Variants in KMT2B observed in about 807,000 individuals in gnomAD.
KMT2B encodes the protein histone-lysine N-methyltransferase 2B.
A neutral mutation model predicts 255.3 loss-of-function variants in KMT2B; 22 were observed. The ratio of observed to expected loss-of-function variants is 0.09; its 90% CI spans 0.06 to 0.12. The LOEUF is 0.12. KMT2B is among the 10% of genes least tolerant of loss of function. The pLI, the probability that KMT2B is intolerant of heterozygous loss-of-function variation, is 1.00. For missense variants in KMT2B, 3,149 were observed against 3,737.0 expected, an observed-to-expected ratio of 0.84 and a Z score of 4.10; for synonymous variants, 1,730 against 1,498.1, an observed-to-expected ratio of 1.15 and a Z score of -3.57.
At chr19:35,736,437 C>T (rs897273985) in intron 30 of KMT2B, 4 of 513,162 alleles carry the variant, frequency 7.8e-6, no homozygotes, top group African/African-American at 5.7e-5. Flanking sequence ...AGCCAAAAGG[C>T]CCCAAGCCTC....
In KMT2B at chr19:35,728,799, C is replaced by T; in HGVS notation, c.4597C>T (p.Pro1533Ser). 2 of 1,613,842 alleles carry T rather than the reference C, an allele frequency of 1.2e-6. No homozygotes were observed. The highest frequency in any genetic ancestry group is 1.1e-5 in the South Asian group (1 of 91,084). The change falls in exon 20 of 37, where the codon CCC becomes TCC. Residue 1533 changes from proline (P) to serine (S), a missense_variant. Around this residue, in one of 18 missense-constraint regions of KMT2B, gnomAD observed 377 missense variants for 471.0 expected, o/e 0.80. Transcript: ENST00000420124. Reference protein sequence around the residue: ...PNGVLPNAVLPPSLDHVYAQW... With the variant: ...PNGVLPNAVLSPSLDHVYAQW... ...CGGAGTCCTTCCCAATGCGGTGTTG[C>T]CCCCATCCCTGGATCATGTCTATGC...
chr19:35,735,941 A>C (rs1370251386), intron 30 of KMT2B: 7 of 152,364 alleles, frequency 4.6e-5, no homozygotes, highest in Non-Finnish European at 1.0e-4. Context: ...CATACAGTGT[A>C]CTTGGCTCTG....
Position 35,733,773 on chromosome 19 carries a change from G to A in KMT2B, c.7060G>A (p.Glu2354Lys), listed in dbSNP as rs190929421. ...GGTCTCTTCTCGCAGGCCCCTCCAG[G>A]AACGGTCCCCTTTGCTGCCACTTCC... is the stretch of plus-strand genomic sequence containing the variant. ...AGEESPGPLQ[E>K]RSPLLPLPED... is the part of the protein sequence containing the mutation. Residue 2354 changes from glutamate to lysine, a missense_variant, in exon 30 of 37, where the codon GAA (glutamate) becomes AAA (lysine). This residue lies in a region of KMT2B where 897 missense variants were observed against 825.3 expected (regional missense o/e 1.09). Transcript: ENST00000420124. This position sits in a 1 kb window ranked among gnomAD's most constrained non-coding sequence, Gnocchi z 4.3. The A allele has an allele frequency of 1.5e-4, 235 of 1,613,390 alleles. No individual in the cohort carries two copies. In the Middle Eastern group the frequency reaches 1.5e-3, roughly 10 times the overall value.
Position 35,733,509 on chromosome 19 carries a change from G to T in KMT2B, c.6959+1G>T. ...AGGTTCCAGGGCTTGGCAGTGGCGG[G>T]TGAGTGCGGGTGCTGAGGCTGGCAG... On this transcript the variant is annotated splice_donor_variant, in intron 28 of 36. Coordinates refer to ENST00000420124, the MANE Select transcript of KMT2B (RefSeq NM_014727.3). LOFTEE classifies it high-confidence loss of function. This position sits in a 1 kb window ranked among gnomAD's most constrained non-coding sequence, Gnocchi z 4.3. 1 of 1,554,662 alleles carries T rather than the reference G, an allele frequency of 6.4e-7. No homozygotes were observed. Among genetic ancestry groups the T allele is most frequent in the Non-Finnish European group, 8.7e-7 (1 of 1,149,292 alleles).
intron 21 of KMT2B, 34 bp from the exon 22 acceptor site, chr19:35,729,125 C>T (rs1433936557): frequency 7.4e-6 from 12 of 1,613,848 alleles, no homozygotes. Flanking sequence ...GTTCCCTGGC[C>T]TCCCCACATC....
chr19:35,737,625 G>A lies in KMT2B; in HGVS notation c.7551-11G>A, dbSNP rs1969970360. 1.3e-6 allele frequency: 2 copies of A among 1,543,042 alleles called. No individual in the cohort carries two copies. Among genetic ancestry groups the A allele is most frequent in the Admixed American group, 2.0e-5 (1 of 50,840 alleles). On this transcript the variant is annotated splice_polypyrimidine_tract_variant and intron_variant, in intron 33 of 36. Coordinates refer to ENST00000420124, the MANE Select transcript of KMT2B (RefSeq NM_014727.3). This position sits in a 1 kb window ranked among gnomAD's most constrained non-coding sequence, Gnocchi z 5.3. ...ACAGTATATTCCTCCTTCCCCTGCT[G>A]CCACCTGCAGGAAGTGCACCTTTGA...
rs775280315 is a variant in KMT2B at position 35,723,453 on chromosome 19, G to A, written c.3009G>A (p.Arg1003=). Residue 1003 remains arginine (R), a synonymous_variant, in exon 7 of 37, where the codon CGG becomes CGA. Coordinates refer to ENST00000420124, the MANE Select transcript of KMT2B (RefSeq NM_014727.3). The surrounding 1 kb of genome is among the most constrained non-coding windows in gnomAD (Gnocchi z 7.5). ...GTGCTGCTCCCCTCCCCAGATACCG[G>A]AAGTGTGACAAAATAGAGGCTCGGA... ...PNTKKQCCVY[R]KCDKIEARKM... 1.6e-5 allele frequency: 25 copies of A among 1,577,642 alleles called. No individual in the cohort carries two copies. The highest frequency in any genetic ancestry group is 2.2e-5 in the Non-Finnish European group (25 of 1,162,308).
Position 35,730,595 on chromosome 19 carries a change from G to A in KMT2B, c.5255G>A (p.Arg1752Gln), listed in dbSNP as rs759709546. The change falls in exon 25 of 37, where the codon CGG (arginine) becomes CAG (glutamine). Residue 1752 changes from arginine to glutamine, a missense_variant. This residue lies in a region of KMT2B where 58 missense variants were observed against 96.9 expected (regional missense o/e 0.60). Transcript: ENST00000420124. ...TLSDLSDCEGRLFPIGYQCSR... is the reference protein window; with the variant it reads ...TLSDLSDCEGQLFPIGYQCSR... Reference sequence around the variant, plus strand: ...TCTGATCTCTCGGACTGCGAGGGACGGCTCTTCCCCATTGGCTACCAGTGA... The same window carrying A: ...TCTGATCTCTCGGACTGCGAGGGACAGCTCTTCCCCATTGGCTACCAGTGA... 21 of 1,613,858 alleles carry A rather than the reference G, an allele frequency of 1.3e-5. No individual in the cohort carries two copies. In the Admixed American group the frequency reaches 1.8e-4, roughly 14 times the overall value.
At position 35,723,958 on chromosome 19, in the gene KMT2B, G is replaced by A. The variant is rs751649595; in HGVS notation, c.3285G>A (p.Ser1095=). The change falls in exon 8 of 37, where the codon TCG becomes TCA. Residue 1095 remains serine (S), a synonymous_variant. Coordinates refer to ENST00000420124, the MANE Select transcript of KMT2B (RefSeq NM_014727.3). This position sits in a 1 kb window ranked among gnomAD's most constrained non-coding sequence, Gnocchi z 7.5. ...SYDIFEDSDD[S]EPGGPPAPRR... ...ATATCTTCGAGGATTCGGATGACTC[G>A]GAGCCCGGGGGCCCCCCTGCTCCTC... The A allele has an allele frequency of 7.5e-6, 12 of 1,610,320 alleles. No homozygotes were observed. Among genetic ancestry groups the A allele is most frequent in the East Asian group, 2.2e-5 (1 of 44,790 alleles).
At position 35,738,705 on chromosome 19, in the gene KMT2B, C is replaced by T; in HGVS notation, c.*148C>T. On this transcript the variant is annotated 3_prime_UTR_variant, in exon 37 of 37. Transcript: ENST00000420124. This position sits in a 1 kb window ranked among gnomAD's most constrained non-coding sequence, Gnocchi z 8.7. ...GATGTGGGCATGCAGGTGACAAGGGCCCTGCCTCCACCCCTCCAGCCCATC... is the reference window on the plus strand; with the variant it reads ...GATGTGGGCATGCAGGTGACAAGGGTCCTGCCTCCACCCCTCCAGCCCATC... 1.2e-6 allele frequency: 1 copy of T among 868,680 alleles called. No homozygotes were observed. Among genetic ancestry groups the T allele is most frequent in the Non-Finnish European group, 1.7e-6 (1 of 578,824 alleles). 53.8% of individuals were successfully genotyped at this position (868,680 alleles called of 1,614,324 possible).
rs1294747809 is a variant in KMT2B, at chr19:35,737,080, C to T, written c.7373-6C>T. The T allele has an allele frequency of 4.3e-6, 7 of 1,610,386 alleles. No individual in the cohort carries two copies. Among genetic ancestry groups the T allele is most frequent in the Admixed American group, 1.7e-5 (1 of 59,628 alleles). ...TGACAGGTGTGTCCTCAACATCTCC[C>T]CTCAGGAATGAGTGGGGCGAGACTC... On this transcript the variant is annotated splice_region_variant and splice_polypyrimidine_tract_variant and intron_variant, in intron 32 of 36. Transcript: ENST00000420124. The surrounding 1 kb of genome is among the most constrained non-coding windows in gnomAD (Gnocchi z 5.3).
At chr19:35,722,834 C>A in intron 5 of KMT2B, 116 bp downstream of exon 5, 2 of 1,441,720 alleles carry the variant, frequency 1.4e-6, no homozygotes, top group Non-Finnish European at 1.8e-6. Flanking sequence ...GGTTAGGTGG[C>A]AAGTGGGCTG....
Position 35,732,001 on chromosome 19 carries a change from C to T in KMT2B, c.5531C>T (p.Pro1844Leu), listed in dbSNP as rs1246187078. The part of the protein sequence containing the change: ...RHSPIQNLDP[P>L]LRPDSGSAPP... ...TCGCCCATTCAGAACCTGGACCCTC[C>T]ACTGCGGCCAGATTCAGGCAGCGCC... is the stretch of plus-strand genomic sequence containing the variant. Residue 1844 changes from proline to leucine, a missense_variant, in exon 27 of 37, where the codon CCA becomes CTA. Physicochemically the swap from Pro to Leu is moderately conservative, Grantham distance 98. Transcript: ENST00000420124. 2 of 1,613,834 alleles carry T rather than the reference C, an allele frequency of 1.2e-6. No homozygotes were observed. The highest frequency in any genetic ancestry group is 1.7e-4 in the Middle Eastern group (1 of 6,060).
chr19:35,727,373 A>T lies in KMT2B; in HGVS notation c.4118-65A>T. On this transcript the variant is annotated intron_variant, in intron 15 of 36. Transcript: ENST00000420124. The surrounding 1 kb of genome is among the most constrained non-coding windows in gnomAD (Gnocchi z 4.2). ...GTGGGCTAAGGGTCCTTGCTGGCCT[A>T]GGGGCTGCTGGGAGCCCTCACATCC... 6.3e-7 allele frequency: 1 copy of T among 1,593,268 alleles called. No homozygotes were observed. Among genetic ancestry groups the T allele is most frequent in the Non-Finnish European group, 8.6e-7 (1 of 1,161,972 alleles).
At position 35,719,349 on chromosome 19, in the gene KMT2B, T is replaced by C. The variant is rs887143770; in HGVS notation, c.364-120T>C. On this transcript the variant is annotated intron_variant, in intron 1 of 36. Transcript: ENST00000420124. Reference sequence around the variant, plus strand: ...CGCGACCTTTGAGTCTTTTTCGTTCTTTTTAAATAGGCAGGGGTATGCTAA... The same window carrying C: ...CGCGACCTTTGAGTCTTTTTCGTTCCTTTTAAATAGGCAGGGGTATGCTAA... 1.2e-5 allele frequency: 9 copies of C among 735,070 alleles called. No homozygotes were observed. In the African/African-American group the frequency reaches 1.2e-4, roughly 10 times the overall value. The allele number at this position is 735,070 out of a possible 1,614,324, so 45.5% of individuals were successfully genotyped here. A position where few individuals can be genotyped will look rare whatever the true frequency, so the allele number is the denominator to read the frequency against.
At chr19:35,735,784 A>G (rs1208605379) in intron 30 of KMT2B, 1 of 152,224 alleles carries the variant, frequency 6.6e-6, no homozygotes, top group Non-Finnish European at 1.5e-5. Context: ...GTCTCAGTCC[A>G]CAGCAGTTTT....
Position 35,723,795 on chromosome 19 carries a change from G to A in KMT2B, c.3122G>A (p.Gly1041Asp). The change falls in exon 8 of 37, where the codon GGT becomes GAT. Residue 1041 changes from glycine to aspartate, a missense_variant. By Grantham distance (94) the Gly-to-Asp change is moderately conservative (BLOSUM62 -1). Transcript: ENST00000420124. This position sits in a 1 kb window ranked among gnomAD's most constrained non-coding sequence, Gnocchi z 7.5. ...GATGAATCTCCTGAGGCCTCCCCTGGTCCTCCAGGCCCACGCCGGGGGGCG... is the reference window on the plus strand; with the variant it reads ...GATGAATCTCCTGAGGCCTCCCCTGATCCTCCAGGCCCACGCCGGGGGGCG... The part of the protein sequence containing the change: ...DSDESPEASP[G>D]PPGPRRGAGA... 2 of 1,585,946 alleles carry A rather than the reference G, an allele frequency of 1.3e-6. No homozygotes were observed. The highest frequency in any genetic ancestry group is 1.7e-6 in the Non-Finnish European group (2 of 1,165,130).
At position 35,721,372 on chromosome 19, in the gene KMT2B, A is replaced by G. The variant is rs1969199913; in HGVS notation, c.2025A>G (p.Glu675=). 3 of 1,599,516 alleles carry G rather than the reference A, an allele frequency of 1.9e-6. No homozygotes were observed. Among genetic ancestry groups the G allele is most frequent in the African/African-American group, 2.7e-5 (2 of 74,434 alleles). Reference sequence around the variant, plus strand: ...CTCCTCCTCCTCTTGGGGCTCCTGAAGCCCCTGAGCCAGAGCCTCCTCCTG... The same window carrying G: ...CTCCTCCTCCTCTTGGGGCTCCTGAGGCCCCTGAGCCAGAGCCTCCTCCTG... The part of the protein sequence containing the change: ...VLTPPPLGAP[E]APEPEPPPAD... Residue 675 remains glutamate, a synonymous_variant, in exon 3 of 37, where the codon GAA becomes GAG. Coordinates refer to ENST00000420124, the MANE Select transcript of KMT2B (RefSeq NM_014727.3).
In KMT2B at chr19:35,720,895, A is replaced by G. The variant is rs1427217727; in HGVS notation, c.1548A>G (p.Lys516=). The change falls in exon 3 of 37, where the codon AAA becomes AAG. Residue 516 remains lysine, a synonymous_variant. Coordinates refer to ENST00000420124, the MANE Select transcript of KMT2B (RefSeq NM_014727.3). ...AAGACAGTCCCACCGTGGCCCCCAA[A>G]AGCACCACCTTCCTGAAGAATATCC... The part of the protein sequence containing the change: ...PPEDSPTVAP[K]STTFLKNIRQ... 1.2e-6 allele frequency: 2 copies of G among 1,603,934 alleles called. No homozygotes were observed. Among genetic ancestry groups the G allele is most frequent in the Non-Finnish European group, 1.7e-6 (2 of 1,176,088 alleles).
Sources: gnomAD v4.1 joint callset for allele counts on GRCh38, gnomAD v4.1.1 for gene constraint, gnomAD v4.1.1 regional missense constraint, Gnocchi (gnomAD v3.1) non-coding constraint, MANE v1.5 for transcripts, NCBI Gene and HGNC (gene_info 2026-07-23, HGNC 2026-07-21) for gene names.